Variants in PRKCE observed in about 807,000 individuals in gnomAD.
The protein encoded by PRKCE is protein kinase C epsilon type.
A neutral mutation model predicts 85.4 loss-of-function variants in PRKCE; 16 were observed. That is an observed-to-expected ratio of 0.19 (90% CI 0.13 to 0.28). The LOEUF is 0.28. Among genes scored for constraint, PRKCE ranks in the 10% least tolerant of loss-of-function variants. PRKCE has a pLI of 1.00. For missense variants in PRKCE, 573 were observed against 975.2 expected (o/e 0.59, Z 5.49); for synonymous variants, 388 against 371.5 (o/e 1.04, Z -0.51).
intron 1 of PRKCE, among the ~76,000 whole-genome samples, chr2:45,675,071 A>C (rs558391086): frequency 6.6e-6 from 1 of 152,202 alleles, no homozygotes; most frequent in Non-Finnish European, 1.5e-5. Context: ...AAAGGAAGGG[A>C]TGAGGTGAGA....
chr2:45,893,627 G>T (rs1241808560), intron 2 of PRKCE, among the ~76,000 whole-genome samples: 1 of 152,010 alleles, frequency 6.6e-6, no homozygotes, highest in African/African-American at 2.4e-5. Flanking sequence ...CTCCCAAAGT[G>T]CTGGGATTAC....
At chr2:46,061,484 C>T (rs769039379) in intron 10 of PRKCE, among the ~76,000 whole-genome samples, 1 of 152,150 alleles carries the variant, frequency 6.6e-6, no homozygotes, top group Non-Finnish European at 1.5e-5. Flanking sequence ...GAGAGAAGAA[C>T]CATTTCTCTC....
At chr2:45,733,495 G>A (rs1263358773) in intron 1 of PRKCE, among the ~76,000 whole-genome samples, 4 of 152,152 alleles carry the variant, frequency 2.6e-5, no homozygotes, top group East Asian at 1.9e-4. Context: ...TAAAGGCCAC[G>A]GAAAAAGAGA....
At chr2:45,934,062 C>G (rs981292608) in intron 2 of PRKCE, among the ~76,000 whole-genome samples, 2 of 152,160 alleles carry the variant, frequency 1.3e-5, no homozygotes, top group Admixed American at 6.5e-5. Context: ...AGTCTCCTAA[C>G]TGACCTCTGC....
intron 10 of PRKCE, among the ~76,000 whole-genome samples, chr2:46,012,114 T>G (rs1574222840): frequency 6.6e-6 from 1 of 152,212 alleles, no homozygotes; most frequent in East Asian, 1.9e-4. Context: ...TGGAGTTAAC[T>G]TTCTTCTTTT....
At chr2:46,177,425 G>T (rs1381982767) in intron 14 of PRKCE, among the ~76,000 whole-genome samples, 1 of 152,206 alleles carries the variant, frequency 6.6e-6, no homozygotes, top group African/African-American at 2.4e-5. Context: ...CAAGGTGTTG[G>T]CAGGGTCTTG....
At chr2:45,823,077 C>A (rs1689666648) in intron 1 of PRKCE, among the ~76,000 whole-genome samples, 1 of 152,214 alleles carries the variant, frequency 6.6e-6, no homozygotes, top group Non-Finnish European at 1.5e-5. Context: ...GAGGTATGGA[C>A]TCTGTCCCCA....
intron 2 of PRKCE, among the ~76,000 whole-genome samples, chr2:45,885,459 G>T (rs2105840663): frequency 6.6e-6 from 1 of 152,314 alleles, no homozygotes; most frequent in Admixed American, 6.5e-5. Context: ...GGAAGCTGCT[G>T]CTATTAATTG....
intron 1 of PRKCE, among the ~76,000 whole-genome samples, chr2:45,656,225 C>T (rs1455320804): frequency 1.3e-5 from 2 of 152,196 alleles, no homozygotes; most frequent in Non-Finnish European, 2.9e-5. Context: ...AGGTTTGGAG[C>T]ATGTAGTTAT....
chr2:45,819,485 C>T (rs898457599), intron 1 of PRKCE, among the ~76,000 whole-genome samples: 1 of 152,196 alleles, frequency 6.6e-6, no homozygotes, highest in African/African-American at 2.4e-5. Context: ...GCTGAGTGGC[C>T]GTTCTGTCCC....
chr2:45,685,358 C>T (rs1222552867), intron 1 of PRKCE: 1 of 152,214 alleles, frequency 6.6e-6, no homozygotes, highest in African/African-American at 2.4e-5. Flanking sequence ...TGCCCATCTG[C>T]ATAAATACCC....
chr2:45,954,522 G>T (rs1700841252), intron 2 of PRKCE, among the ~76,000 whole-genome samples: 1 of 152,022 alleles, frequency 6.6e-6, no homozygotes. Context: ...AATTAAATTG[G>T]CCTATCTAAT....
chr2:46,168,152 G>T (rs1351071895), intron 14 of PRKCE, among the ~76,000 whole-genome samples: 1 of 151,998 alleles, frequency 6.6e-6, no homozygotes, highest in African/African-American at 2.4e-5. Context: ...AAGAGTGTGA[G>T]GCCTGGGCTG....
intron 2 of PRKCE, among the ~76,000 whole-genome samples, chr2:45,869,409 A>T (rs1170156624): frequency 1.3e-5 from 2 of 152,224 alleles, no homozygotes; most frequent in African/African-American, 4.8e-5. Flanking sequence ...ATCGCTCATA[A>T]CAATGAAAGT....
chr2:45,782,986 C>A lies in PRKCE; in HGVS notation c.349-60014C>A, dbSNP rs567400064. ...TATATTATTTCATTACTTTTTTGTC[C>A]TGATGAATTTTGCTCTTACAGTTTC... On this transcript the variant is annotated intron_variant, in intron 1 of 14. Transcript: ENST00000306156. Among the ~76,000 whole-genome samples the A allele has an allele frequency of 1.2e-4, 18 of 152,200 alleles. No individual in the cohort carries two copies. The South Asian group carries it at 3.7e-3, about 32-fold the overall frequency.
intron 1 of PRKCE, among the ~76,000 whole-genome samples, chr2:45,779,209 G>A (rs904212334): frequency 1.3e-5 from 2 of 152,158 alleles, no homozygotes; most frequent in African/African-American, 4.8e-5. Context: ...CTAAGAATGC[G>A]CTGTCCAGAC....
At chr2:45,921,491 G>C (rs1410465473) in intron 2 of PRKCE, among the ~76,000 whole-genome samples, 1 of 152,188 alleles carries the variant, frequency 6.6e-6, no homozygotes, top group Non-Finnish European at 1.5e-5. Context: ...TCCTCACAAT[G>C]ACCCAACAAG....
intron 1 of PRKCE, among the ~76,000 whole-genome samples, chr2:45,672,009 G>T (rs1304353763): frequency 1.4e-5 from 2 of 145,106 alleles, no homozygotes; most frequent in Non-Finnish European, 1.5e-5. Flanking sequence ...GGTACAATGA[G>T]CCATGATTAT....
intron 1 of PRKCE, among the ~76,000 whole-genome samples, chr2:45,778,828 G>A (rs1440882481): frequency 6.6e-6 from 1 of 152,106 alleles, no homozygotes. Flanking sequence ...TCCTCCTCCT[G>A]ACCCCGGGAC....
Sources: gnomAD v4.1 joint callset for allele counts (sites outside exome capture counted in the v4.1 genomes callset) on GRCh38, gnomAD v4.1.1 for gene constraint, MANE v1.5 for transcripts, NCBI Gene and HGNC (gene_info 2026-07-23, HGNC 2026-07-21) for gene names.